Variants in DLG5 observed in about 807,000 individuals in gnomAD.
The protein encoded by DLG5 is disks large homolog 5.
Under a neutral mutation model 189.8 loss-of-function variants are expected in DLG5, and 48 were observed. The ratio of observed to expected loss-of-function variants is 0.25; its 90% CI spans 0.20 to 0.32. The LOEUF is 0.32. Among genes scored for constraint, DLG5 ranks in the 10% least tolerant of loss-of-function variants. DLG5 has a pLI of 1.00. For synonymous variants in DLG5, 1,016 were observed against 1,054.1 expected (o/e 0.96, Z 0.70); for missense variants, 2,160 against 2,544.7 (o/e 0.85, Z 3.25).
intron 1 of DLG5, among the ~76,000 whole-genome samples, chr10:77,876,355 T>G (rs372744655): frequency 6.8e-6 from 1 of 147,688 alleles, no homozygotes; most frequent in Admixed American, 6.9e-5. Context: ...CTGGGCAATA[T>G]AGCAAGACCC....
In DLG5 at chr10:77,821,457, A is replaced by G. The variant is rs1248984391; in HGVS notation, c.3027T>C (p.Pro1009=). ...HSPQPSKRAG[P]LTPPKPPRRS... ...TTCTGGGAGGTTTTGGGGGTGTCAGAGGCCCCGCCCTCTTGGAGGGCTGGG... is the reference window on the plus strand; with the variant it reads ...TTCTGGGAGGTTTTGGGGGTGTCAGGGGCCCCGCCCTCTTGGAGGGCTGGG... The change falls in exon 15 of 32, where the codon CCT becomes CCC. Residue 1009 remains proline (P), a synonymous_variant. Transcript: ENST00000372391. The G allele has an allele frequency of 1.3e-5, 21 of 1,612,470 alleles. No individual in the cohort carries two copies. Among genetic ancestry groups the G allele is most frequent in the Non-Finnish European group, 1.8e-5 (21 of 1,179,892 alleles).
the DLG5 span, among the ~76,000 whole-genome samples, chr10:77,933,150 C>T: frequency 1.3e-5 from 2 of 152,188 alleles, no homozygotes; most frequent in Non-Finnish European, 2.9e-5. Flanking sequence ...CCATACTTGC[C>T]TTACCAATCT....
At chr10:77,845,385 A>G (rs1843636882) in intron 5 of DLG5, 1 of 152,248 alleles carries the variant, frequency 6.6e-6, no homozygotes, top group African/African-American at 2.4e-5. Flanking sequence ...TTTGCAGCCT[A>G]GAGAACCAGA....
intron 16 of DLG5, 74 bp from the exon 17 acceptor site, chr10:77,819,539 T>G (rs972276324): frequency 1.3e-6 from 2 of 1,524,788 alleles, no homozygotes; most frequent in Non-Finnish European, 1.8e-6. Flanking sequence ...GCCTTTCCCC[T>G]GTATCCCAGG....
intron 20 of DLG5, 60 bp downstream of exon 20, chr10:77,816,491 C>G (rs899938151): frequency 6.2e-7 from 1 of 1,611,534 alleles, no homozygotes; most frequent in East Asian, 2.2e-5. Context: ...CCCAGGCCCG[C>G]TGCCGGGATG....
intron 2 of DLG5, among the ~76,000 whole-genome samples, chr10:77,864,929 C>A (rs1844613314): frequency 6.6e-6 from 1 of 152,192 alleles, no homozygotes; most frequent in African/African-American, 2.4e-5. Context: ...TGCTTTCGAA[C>A]CCTTGACTCA....
intron 5 of DLG5, among the ~76,000 whole-genome samples, chr10:77,846,146 G>A (rs1589208180): frequency 6.6e-6 from 1 of 152,192 alleles, no homozygotes; most frequent in Non-Finnish European, 1.5e-5. Flanking sequence ...TCGGGAGGCT[G>A]AGGCAGGAGA....
chr10:77,879,367 C>G (rs1845204548), intron 1 of DLG5, among the ~76,000 whole-genome samples: 1 of 152,100 alleles, frequency 6.6e-6, no homozygotes, highest in Non-Finnish European at 1.5e-5. Flanking sequence ...CAGGCAGAAC[C>G]TTATGGGCCA....
intron 1 of DLG5, among the ~76,000 whole-genome samples, chr10:77,890,376 T>C (rs895901884): frequency 2.0e-5 from 3 of 152,154 alleles, no homozygotes; most frequent in Non-Finnish European, 4.4e-5. Context: ...ACACCTCTCA[T>C]AGCTCAACTC....
Position 77,821,414 on chromosome 10 carries a change from A to C in DLG5, c.3070T>G (p.Phe1024Val), listed in dbSNP as rs1842347982. ...GAGCTAGTCTCCAGCCTGTGCTGGA[A>C]CTTAATGGAGTCGCTCCTTCTGGGA... Reference protein sequence around the residue: ...KPPRRSDSIKFQHRLETSSES... With the variant: ...KPPRRSDSIKVQHRLETSSES... Residue 1024 changes from phenylalanine to valine, a missense_variant, in exon 15 of 32, where the codon TTC (phenylalanine) becomes GTC (valine). By Grantham distance (50) the Phe-to-Val change is conservative. Transcript: ENST00000372391. 1 of 1,612,640 alleles carries C rather than the reference A, an allele frequency of 6.2e-7. No homozygotes were observed. The highest frequency in any genetic ancestry group is 8.5e-7 in the Non-Finnish European group (1 of 1,179,972).
At position 77,819,954 on chromosome 10, in the gene DLG5, G is replaced by C; in HGVS notation, c.3467C>G (p.Ser1156Trp). The C allele has an allele frequency of 6.2e-7, 1 of 1,611,848 alleles. No individual in the cohort carries two copies. Among genetic ancestry groups the C allele is most frequent in the Admixed American group, 1.7e-5 (1 of 59,752 alleles). Residue 1156 changes from serine to tryptophan, a missense_variant, in exon 16 of 32, where the codon TCG becomes TGG. By Grantham distance (177) the Ser-to-Trp change is radical. Around this residue, in one of 5 missense-constraint regions of DLG5, gnomAD observed 754 missense variants for 746.5 expected, o/e 1.01. Coordinates refer to ENST00000372391, the MANE Select transcript of DLG5 (RefSeq NM_004747.4). ...SPELQEWAPY[S>W]PGHSSRHSNP... The stretch of plus-strand genomic sequence containing the variant: ...GCTGTGCCGGCTGGAATGCCCAGGC[G>C]AGTAAGGTGCCCACTCCTGGAGCTC...
chr10:77,825,403 C>CAA (rs1479748632), intron 13 of DLG5, among the ~76,000 whole-genome samples: 6 of 150,680 alleles, frequency 4.0e-5, no homozygotes, highest in African/African-American at 1.5e-4. Context: ...CACACACACA[C>CAA]ACACACACAC....
At position 77,870,834 on chromosome 10, in the gene DLG5, C is replaced by A. The variant is rs1844868691; in HGVS notation, c.305-1637G>T. 3.3e-5 allele frequency among the ~76,000 whole-genome samples: 5 copies of A among 152,002 alleles called. No homozygotes were observed. In the South Asian group the frequency reaches 1.0e-3, roughly 32 times the overall value. On this transcript the variant is annotated intron_variant, in intron 1 of 31. Coordinates refer to ENST00000372391, the MANE Select transcript of DLG5 (RefSeq NM_004747.4). Reference sequence around the variant, plus strand: ...GAGATGCACTGTAGGTGGGAGGCCCCTGGGGGACAGGAGAGACCTTGAGGG... The same window carrying A: ...GAGATGCACTGTAGGTGGGAGGCCCATGGGGGACAGGAGAGACCTTGAGGG...
At chr10:77,812,802 T>C (rs1841847961) in intron 20 of DLG5, among the ~76,000 whole-genome samples, 1 of 152,236 alleles carries the variant, frequency 6.6e-6, no homozygotes, top group African/African-American at 2.4e-5. Context: ...ATAATCCAGT[T>C]TTATGTTTAC....
intron 20 of DLG5, 55 bp from the exon 21 acceptor site, chr10:77,812,432 G>A: frequency 2.5e-6 from 4 of 1,576,746 alleles, no homozygotes; most frequent in Non-Finnish European, 3.5e-6. Flanking sequence ...GGGTTGGGGA[G>A]AGCCTGAGCT....
At chr10:77,829,248 C>T in intron 12 of DLG5, 107 bp downstream of exon 12, 10 of 1,455,232 alleles carry the variant, frequency 6.9e-6, no homozygotes, top group Non-Finnish European at 8.5e-6. Context: ...ATGGCATTGG[C>T]CCCTCATCCC....
chr10:77,849,088 A>G (rs1480728389), intron 5 of DLG5, among the ~76,000 whole-genome samples: 1 of 152,190 alleles, frequency 6.6e-6, no homozygotes, highest in African/African-American at 2.4e-5. Context: ...CTCCCCAGCA[A>G]AACACACATA....
chr10:77,847,265 C>T (rs935491502), intron 5 of DLG5, among the ~76,000 whole-genome samples: 2 of 152,130 alleles, frequency 1.3e-5, no homozygotes, highest in Non-Finnish European at 2.9e-5. Flanking sequence ...TGCTTGCTTC[C>T]ACCACGATGA....
At chr10:77,820,947 A>T in intron 15 of DLG5, 135 bp downstream of exon 15, 1 of 1,227,004 alleles carries the variant, frequency 8.1e-7, no homozygotes, top group Non-Finnish European at 1.1e-6. Context: ...TTCCCACTTG[A>T]GTCCAACAGC....
Sources: gnomAD v4.1 joint callset for allele counts (sites outside exome capture counted in the v4.1 genomes callset) on GRCh38, gnomAD v4.1.1 for gene constraint, gnomAD v4.1.1 regional missense constraint, MANE v1.5 for transcripts, NCBI Gene and HGNC (gene_info 2026-07-23, HGNC 2026-07-21) for gene names.